PAQR5: variants seen among roughly 807,000 people sequenced by gnomAD.
PAQR5 encodes the protein membrane progestin receptor gamma.
A neutral mutation model predicts 34.5 loss-of-function variants in PAQR5; 20 were observed. That is an observed-to-expected ratio of 0.58 (90% CI 0.41 to 0.84). The LOEUF (loss-of-function observed/expected upper bound fraction) is 0.84. Ranked by LOEUF, PAQR5 falls within the 40% of genes least tolerant of loss-of-function variation. The probability of loss-of-function intolerance (pLI) is 0.00; values close to 1 mark genes in which losing one functional copy is unlikely to be tolerated. For missense variants in PAQR5, 378 were observed against 412.7 expected (o/e 0.92, Z 0.73); for synonymous variants, 131 against 155.6 (o/e 0.84, Z 1.18).
chr15:69,326,976 C>T (rs956412981), intron 1 of PAQR5, among the ~76,000 whole-genome samples: 1 of 151,874 alleles, frequency 6.6e-6, no homozygotes, highest in Non-Finnish European at 1.5e-5. Context: ...ATGTTTCCAC[C>T]ATTACAGTAT....
chr15:69,350,592 G>A (rs1248227453), intron 2 of PAQR5, among the ~76,000 whole-genome samples: 6 of 152,024 alleles, frequency 3.9e-5, no homozygotes, highest in Admixed American at 2.6e-4. Context: ...GCAGTGAGCC[G>A]AGATTGAGCC....
intron 2 of PAQR5, among the ~76,000 whole-genome samples, chr15:69,349,032 G>A (rs922114922): frequency 1.3e-5 from 2 of 152,158 alleles, no homozygotes; most frequent in African/African-American, 4.8e-5. Context: ...TCTACCTTGA[G>A]AACTGGTAAA....
At chr15:69,327,484 C>G (rs936594920) in intron 1 of PAQR5, among the ~76,000 whole-genome samples, 17 of 152,122 alleles carry the variant, frequency 1.1e-4, no homozygotes, top group African/African-American at 4.1e-4. Flanking sequence ...CTACCAAACT[C>G]TAAGCTCCTG....
At chr15:69,310,801 G>T (rs2053812461) in intron 1 of PAQR5, among the ~76,000 whole-genome samples, 1 of 151,940 alleles carries the variant, frequency 6.6e-6, no homozygotes, top group East Asian at 1.9e-4. Flanking sequence ...CACTTTGGGA[G>T]GCCAAGGCGG....
At chr15:69,307,702 G>A (rs1295956077) in intron 1 of PAQR5, among the ~76,000 whole-genome samples, 3 of 152,226 alleles carry the variant, frequency 2.0e-5, no homozygotes, top group Non-Finnish European at 2.9e-5. Flanking sequence ...CATCTTAGAA[G>A]GACATAGTTG....
chr15:69,400,217 CAG>C (rs562976425), intron 8 of PAQR5, 102 bp downstream of exon 8: 691 of 1,214,568 alleles, frequency 5.7e-4, no homozygotes, highest in Non-Finnish European at 7.5e-4. Context: ...CAGGGAAGGG[CAG>C]AGAGAGAGGC....
At chr15:69,402,908 A>C (rs539586155) in intron 8 of PAQR5, among the ~76,000 whole-genome samples, 1 of 151,934 alleles carries the variant, frequency 6.6e-6, no homozygotes, top group Non-Finnish European at 1.5e-5. Flanking sequence ...CACTCCCACT[A>C]CCCTCTACTG....
At chr15:69,300,064 G>A (rs1302192737) in intron 1 of PAQR5, among the ~76,000 whole-genome samples, 3 of 152,038 alleles carry the variant, frequency 2.0e-5, no homozygotes, top group South Asian at 2.1e-4. Context: ...GTTTCCCACC[G>A]CATCCTTCCA....
chr15:69,359,920 A>G (rs878884013), intron 2 of PAQR5, 46 bp from the exon 3 acceptor site: 36 of 619,374 alleles, frequency 5.8e-5, no homozygotes, highest in South Asian at 3.8e-4. Flanking sequence ...ACCCAGCTGG[A>G]GTTAGGCTGA....
At chr15:69,344,202 C>T (rs1158959764) in intron 2 of PAQR5, among the ~76,000 whole-genome samples, 2 of 152,220 alleles carry the variant, frequency 1.3e-5, no homozygotes, top group East Asian at 3.9e-4. Context: ...GCTGATGTGA[C>T]GGCTGTCTTG....
At chr15:69,350,070 A>G (rs2054873040) in intron 2 of PAQR5, among the ~76,000 whole-genome samples, 1 of 152,244 alleles carries the variant, frequency 6.6e-6, no homozygotes, top group South Asian at 2.1e-4. Flanking sequence ...GCCAGACTTT[A>G]CAATGGGAAA....
chr15:69,377,323 C>T (rs1174404873), intron 3 of PAQR5, among the ~76,000 whole-genome samples: 1 of 152,210 alleles, frequency 6.6e-6, no homozygotes, highest in African/African-American at 2.4e-5. Flanking sequence ...TCCACAGGAT[C>T]AAAGGCTGAA....
At chr15:69,325,578 A>T (rs2054231179) in intron 1 of PAQR5, among the ~76,000 whole-genome samples, 1 of 129,592 alleles carries the variant, frequency 7.7e-6, no homozygotes, top group South Asian at 2.7e-4. Flanking sequence ...TATTCAGGAA[A>T]TGTGTGCTGA....
chr15:69,339,513 C>T (rs1463025593), intron 2 of PAQR5, among the ~76,000 whole-genome samples: 2 of 152,092 alleles, frequency 1.3e-5, no homozygotes, highest in African/African-American at 4.8e-5. Context: ...TGTTCTGTCA[C>T]CCAGGCTGGA....
At chr15:69,402,839 C>G (rs2056676305) in intron 8 of PAQR5, among the ~76,000 whole-genome samples, 1 of 152,238 alleles carries the variant, frequency 6.6e-6, no homozygotes, top group Non-Finnish European at 1.5e-5. Flanking sequence ...AAAGCTGCCC[C>G]CGACCCTAGG....
intron 3 of PAQR5, among the ~76,000 whole-genome samples, chr15:69,372,553 A>G (rs1025747361): frequency 3.3e-5 from 5 of 152,146 alleles, no homozygotes; most frequent in Non-Finnish European, 5.9e-5. Context: ...AAACAAAACA[A>G]AACAAAACAA....
intron 1 of PAQR5, among the ~76,000 whole-genome samples, chr15:69,321,700 A>G (rs1312520077): frequency 6.6e-6 from 1 of 152,238 alleles, no homozygotes; most frequent in African/African-American, 2.4e-5. Flanking sequence ...TCGTGAACAC[A>G]GCGTGGCAAC....
intron 3 of PAQR5, among the ~76,000 whole-genome samples, chr15:69,375,582 T>A (rs757810156): frequency 1.1e-4 from 17 of 152,106 alleles, no homozygotes; most frequent in Non-Finnish European, 2.1e-4. Flanking sequence ...GACAGAGCCC[T>A]CCCCAGGCGG....
At chr15:69,315,319 C>T (rs910682036) in intron 1 of PAQR5, among the ~76,000 whole-genome samples, 1 of 152,264 alleles carries the variant, frequency 6.6e-6, no homozygotes, top group Non-Finnish European at 1.5e-5. Flanking sequence ...GGAGGAAGAT[C>T]GGGGTCTTTG....
Sources: gnomAD v4.1 joint callset for allele counts (sites outside exome capture counted in the v4.1 genomes callset) on GRCh38, gnomAD v4.1.1 for gene constraint, MANE v1.5 for transcripts, NCBI Gene and HGNC (gene_info 2026-07-23, HGNC 2026-07-21) for gene names.